The following HSDL2 variants were observed in gnomAD, a reference collection of about 807,000 sequenced individuals.
HSDL2 encodes hydroxysteroid dehydrogenase like 2.
HSDL2 carries 27 observed loss-of-function variants against 46.3 expected under a neutral mutation model. The ratio of observed to expected loss-of-function variants is 0.58; its 90% CI spans 0.43 to 0.80. HSDL2 has a LOEUF of 0.80. Among genes scored for constraint, HSDL2 ranks in the 30% least tolerant of loss-of-function variants. The probability of loss-of-function intolerance (pLI) is 0.00; values close to 1 mark genes in which losing one functional copy is unlikely to be tolerated. For missense variants in HSDL2, 451 were observed against 502.7 expected (o/e 0.90, Z 0.98); for synonymous variants, 153 against 163.6 (o/e 0.94, Z 0.50).
chr9:112,391,886 C>CAA (rs769571189), intron 1 of HSDL2, among the ~76,000 whole-genome samples: 3,073 of 55,050 alleles, frequency 0.056, 103 homozygotes, highest in East Asian at 0.17. Context: ...AACTCTGTCT[C>CAA]AAAAAAAAAA....
chr9:112,417,117 TA>T (rs1177523204), intron 5 of HSDL2, among the ~76,000 whole-genome samples, 173 bp downstream of exon 5: 1 of 152,188 alleles, frequency 6.6e-6, no homozygotes, highest in Admixed American at 6.6e-5. Flanking sequence ...ATCTGTAATT[TA>T]AAAAATTGAG....
At chr9:112,441,034 A>C (rs549598721) in intron 7 of HSDL2, among the ~76,000 whole-genome samples, 1 of 151,448 alleles carries the variant, frequency 6.6e-6, no homozygotes, top group African/African-American at 2.4e-5. Flanking sequence ...AATAAATAAT[A>C]AATAAATAAA....
At chr9:112,383,638 G>A (rs371450115) in intron 1 of HSDL2, among the ~76,000 whole-genome samples, 12 of 152,072 alleles carry the variant, frequency 7.9e-5, no homozygotes, top group African/African-American at 2.7e-4. Context: ...CACATATAGC[G>A]CTCTGTTTCT....
intron 6 of HSDL2, among the ~76,000 whole-genome samples, chr9:112,429,557 C>T (rs1411821892): frequency 6.6e-6 from 1 of 152,198 alleles, no homozygotes; most frequent in Non-Finnish European, 1.5e-5. Context: ...ATTCATCGGA[C>T]ACTTATTTTA....
intron 5 of HSDL2, among the ~76,000 whole-genome samples, chr9:112,418,169 AAAT>A (rs146357929): frequency 0.45 from 66,500 of 149,182 alleles, 14,798 homozygotes; most frequent in South Asian, 0.51. Context: ...TATTTTAATC[AAAT>A]ATTAGGAGGG....
rs567229949 is a variant in HSDL2 at position 112,459,347 on chromosome 9, T to C, written c.1016-102T>C. On this transcript the variant is annotated intron_variant, in intron 9 of 10. Transcript: ENST00000398805. ...TGATGGAGGTCTGGGGATTTTAACT[T>C]GGAAAACAGCATTTTGTAAGATTAT... The C allele has an allele frequency of 6.0e-5, 80 of 1,336,858 alleles. No individual in the cohort carries two copies. The South Asian group carries it at 9.8e-4, about 16-fold the overall frequency. 82.8% of individuals were successfully genotyped at this position (1,336,858 alleles called of 1,614,324 possible). A position where few individuals can be genotyped will look rare whatever the true frequency, so the allele number is the denominator to read the frequency against.
intron 2 of HSDL2, among the ~76,000 whole-genome samples, 163 bp downstream of exon 2, chr9:112,404,321 C>T (rs76214249): frequency 1.9e-4 from 29 of 152,174 alleles, no homozygotes; most frequent in Non-Finnish European, 4.0e-4. Flanking sequence ...TGCTTCTGAC[C>T]GTTTTTCTCC....
intron 7 of HSDL2, among the ~76,000 whole-genome samples, chr9:112,441,156 T>TA (rs1331775241): frequency 6.6e-6 from 1 of 152,040 alleles, no homozygotes; most frequent in Non-Finnish European, 1.5e-5. Context: ...GCCAAGATCA[T>TA]ATCACTGCAC....
chr9:112,460,127 T>C (rs978538908), intron 10 of HSDL2, among the ~76,000 whole-genome samples: 2 of 152,226 alleles, frequency 1.3e-5, no homozygotes, highest in Non-Finnish European at 2.9e-5. Flanking sequence ...TTCTCTTTTC[T>C]ACTCTTAGAA....
At chr9:112,417,027 A>C (rs1473858528) in intron 5 of HSDL2, 83 bp downstream of exon 5, 4 of 561,284 alleles carry the variant, frequency 7.1e-6, no homozygotes, top group Non-Finnish European at 1.3e-5. Flanking sequence ...ATGTAATCAC[A>C]ATCTGCACAT....
At chr9:112,391,305 A>G (rs1035562923) in intron 1 of HSDL2, among the ~76,000 whole-genome samples, 1 of 151,792 alleles carries the variant, frequency 6.6e-6, no homozygotes, top group African/African-American at 2.4e-5. Flanking sequence ...GTCCCCCCCC[A>G]AAAAATAAAA....
intron 8 of HSDL2, among the ~76,000 whole-genome samples, chr9:112,452,231 T>A (rs910703344): frequency 6.6e-6 from 1 of 152,252 alleles, no homozygotes; most frequent in African/African-American, 2.4e-5. Context: ...TAGCTTACTT[T>A]GTACTATGGA....
Position 112,427,073 on chromosome 9 carries a change from G to A in HSDL2, c.598+8115G>A, listed in dbSNP as rs184509790. On this transcript the variant is annotated intron_variant, in intron 6 of 10. Coordinates refer to ENST00000398805, the MANE Select transcript of HSDL2 (RefSeq NM_032303.5). ...TAATTAATTGATTAATTATTTTTTC[G>A]AGGCAGAGTCTCACTCTGTCACCCA... 6.7e-4 allele frequency among the ~76,000 whole-genome samples: 101 copies of A among 150,254 alleles called. No individual in the cohort carries two copies. In the East Asian group the frequency reaches 0.017, roughly 25 times the overall value.
intron 4 of HSDL2, among the ~76,000 whole-genome samples, chr9:112,413,000 A>T (rs551416648): frequency 4.6e-5 from 7 of 152,222 alleles, no homozygotes; most frequent in Middle Eastern, 3.4e-3. Flanking sequence ...CACTATTGAA[A>T]GTTCCTACCT....
In HSDL2 at chr9:112,387,923, C is replaced by A. The variant is rs542698818; in HGVS notation, c.17+7743C>A. On this transcript the variant is annotated intron_variant, in intron 1 of 10. Transcript: ENST00000398805. ...CTTGTAATCCCAGCACTTTGCAAGA[C>A]CAAGGCAGGAGAATCGCTTGAGCCC... is the stretch of plus-strand genomic sequence containing the variant. 2.6e-5 allele frequency among the ~76,000 whole-genome samples: 4 copies of A among 152,188 alleles called. No homozygotes were observed. The East Asian group carries it at 7.7e-4, about 29-fold the overall frequency.
At chr9:112,441,895 TTAAAC>T (rs1415643540) in intron 8 of HSDL2, 125 bp downstream of exon 8, 10 of 612,624 alleles carry the variant, frequency 1.6e-5, no homozygotes, top group African/African-American at 3.7e-5. Context: ...GTTTTGTACT[TTAAAC>T]TAAACAAGTA....
rs571555478 is a variant in HSDL2, at chr9:112,436,476, A to G, written c.599-1955A>G. Among the ~76,000 whole-genome samples, 30 of 152,114 alleles carry G rather than the reference A, an allele frequency of 2.0e-4. 1 individual carries two copies. The South Asian group carries it at 6.0e-3, about 30-fold the overall frequency. The stretch of plus-strand genomic sequence containing the variant: ...TACATATAGTAAGTGCTTAATAACT[A>G]TTTGTTAAATGAATGAAAAAGGGCC... On this transcript the variant is annotated intron_variant, in intron 6 of 10. Coordinates refer to ENST00000398805, the MANE Select transcript of HSDL2 (RefSeq NM_032303.5).
At chr9:112,413,700 T>C (rs1831929419) in intron 4 of HSDL2, among the ~76,000 whole-genome samples, 2 of 152,326 alleles carry the variant, frequency 1.3e-5, no homozygotes, top group Admixed American at 1.3e-4. Context: ...TGATTTTTCT[T>C]ATTCCCAGCT....
chr9:112,469,300 G>A (rs1833493413), intron 10 of HSDL2, among the ~76,000 whole-genome samples: 1 of 151,998 alleles, frequency 6.6e-6, no homozygotes, highest in African/African-American at 2.4e-5. Flanking sequence ...GGGCACAGGG[G>A]TGGGGAGGGT....
Sources: gnomAD v4.1 joint callset for allele counts (sites outside exome capture counted in the v4.1 genomes callset) on GRCh38, gnomAD v4.1.1 for gene constraint, MANE v1.5 for transcripts, NCBI Gene and HGNC (gene_info 2026-07-23, HGNC 2026-07-21) for gene names.